The following MARCHF3 variants were observed in gnomAD, a reference collection of about 807,000 sequenced individuals.
The protein encoded by MARCHF3 is membrane associated ring-CH-type finger 3.
MARCHF3 carries 13 observed loss-of-function variants against 24.2 expected under a neutral mutation model. That is an observed-to-expected ratio of 0.54 (90% confidence interval 0.35 to 0.85). MARCHF3 has a LOEUF of 0.85. Ranked by LOEUF, MARCHF3 falls within the 40% of genes least tolerant of loss-of-function variation. The pLI, the probability that MARCHF3 is intolerant of heterozygous loss-of-function variation, is 0.01. For missense variants in MARCHF3, 276 were observed against 325.0 expected (o/e 0.85, Z 1.16); for synonymous variants, 144 against 137.3 (o/e 1.05, Z -0.34).
rs78714932 is a variant in MARCHF3 at position 126,922,112 on chromosome 5, C to A, written c.-56-3885G>T. ...GAACATGGCTGGCATAACGAGGATGCGGCCACAGGTCGTGGGGGAAGGGAA... is the reference window on the plus strand; with the variant it reads ...GAACATGGCTGGCATAACGAGGATGAGGCCACAGGTCGTGGGGGAAGGGAA... On this transcript the variant is annotated intron_variant, in intron 1 of 4. Transcript: ENST00000308660. Among the ~76,000 whole-genome samples the A allele has an allele frequency of 4.4e-3, 672 of 152,276 alleles. 5 individuals are homozygous for A. The highest frequency in any genetic ancestry group is 0.016 in the African/African-American group (653 of 41,544).
At chr5:126,889,942 T>G (rs1040408430) in intron 3 of MARCHF3, among the ~76,000 whole-genome samples, 2 of 152,212 alleles carry the variant, frequency 1.3e-5, no homozygotes, top group African/African-American at 4.8e-5. Context: ...TTCATGATTT[T>G]CAAGATTTCA....
chr5:126,929,573 T>G (rs981892509), intron 1 of MARCHF3, among the ~76,000 whole-genome samples: 2 of 152,226 alleles, frequency 1.3e-5, no homozygotes, highest in African/African-American at 4.8e-5. Context: ...AAATATGATT[T>G]ACACAAAAAA....
rs187893519 is a variant in MARCHF3, at chr5:126,892,748, C to A, written c.394-14354G>T. ...TCATCAAGGATATTGGTCTAAAATT[C>A]TCTTTTTTTGTTATGTCTCTGCCTG... On this transcript the variant is annotated intron_variant, in intron 3 of 4. Transcript: ENST00000308660. Among the ~76,000 whole-genome samples the A allele has an allele frequency of 2.0e-5, 3 of 149,512 alleles. No individual in the cohort carries two copies. The South Asian group carries it at 6.5e-4, about 32-fold the overall frequency.
intron 1 of MARCHF3, among the ~76,000 whole-genome samples, chr5:126,989,337 C>A (rs9327427): frequency 0.65 from 91,629 of 140,736 alleles, 29,523 homozygotes; most frequent in Middle Eastern, 0.72. Flanking sequence ...ACTACTACTA[C>A]TAATAATAAT....
intron 3 of MARCHF3, among the ~76,000 whole-genome samples, chr5:126,894,402 G>T (rs1269775479): frequency 1.9e-4 from 29 of 151,312 alleles, no homozygotes; most frequent in African/African-American, 5.1e-4. Flanking sequence ...TTACATTTTG[G>T]CATGATTTTG....
intron 1 of MARCHF3, among the ~76,000 whole-genome samples, chr5:126,996,380 T>C (rs1751947955): frequency 6.6e-6 from 1 of 152,178 alleles, no homozygotes; most frequent in African/African-American, 2.4e-5. Context: ...GAGATCCAGA[T>C]GCAAATAGGT....
chr5:126,949,295 A>G (rs1750134748), intron 1 of MARCHF3, among the ~76,000 whole-genome samples: 1 of 152,224 alleles, frequency 6.6e-6, no homozygotes, highest in Admixed American at 6.5e-5. Flanking sequence ...AAAGATCATA[A>G]CACACAGATC....
At chr5:126,959,117 A>G (rs1750549978) in intron 1 of MARCHF3, among the ~76,000 whole-genome samples, 1 of 152,122 alleles carries the variant, frequency 6.6e-6, no homozygotes, top group Admixed American at 6.5e-5. Flanking sequence ...CATCTCTTCC[A>G]AAGGCTATAG....
chr5:126,950,458 T>C (rs967330849), intron 1 of MARCHF3, among the ~76,000 whole-genome samples: 8 of 152,154 alleles, frequency 5.3e-5, no homozygotes, highest in African/African-American at 2.4e-5. Flanking sequence ...TTTCACTTCA[T>C]GGAGAAAAGT....
At chr5:126,887,356 T>C (rs1223819831) in intron 3 of MARCHF3, among the ~76,000 whole-genome samples, 1 of 152,248 alleles carries the variant, frequency 6.6e-6, no homozygotes, top group African/African-American at 2.4e-5. Context: ...CCTGCGACTT[T>C]GTCACCAGTA....
chr5:126,963,700 T>G (rs1750718511), intron 1 of MARCHF3, among the ~76,000 whole-genome samples: 1 of 152,226 alleles, frequency 6.6e-6, no homozygotes, highest in Non-Finnish European at 1.5e-5. Context: ...GGTGGGTTTT[T>G]AAGCAGCTGA....
intron 1 of MARCHF3, among the ~76,000 whole-genome samples, chr5:127,013,538 C>A (rs1426885891): frequency 6.6e-6 from 1 of 152,046 alleles, no homozygotes; most frequent in African/African-American, 2.4e-5. Context: ...CCAAATCTAC[C>A]CAAGTTATTA....
intron 1 of MARCHF3, among the ~76,000 whole-genome samples, chr5:127,020,444 T>C (rs982529239): frequency 6.6e-5 from 10 of 152,304 alleles, no homozygotes; most frequent in East Asian, 1.9e-4. Context: ...GTCTAAATAT[T>C]TATATCTCCC....
chr5:126,938,165 CTTTTTT>C (rs527628656), intron 1 of MARCHF3, among the ~76,000 whole-genome samples: 1 of 122,900 alleles, frequency 8.1e-6, no homozygotes, highest in Non-Finnish European at 1.7e-5. Flanking sequence ...TGATCTGATT[CTTTTTT>C]TTTTTTTTTT....
Position 126,967,929 on chromosome 5 carries a change from TATC to T in MARCHF3, c.-56-49705_-56-49703del, listed in dbSNP as rs367758577. On this transcript the variant is annotated intron_variant, in intron 1 of 4. Coordinates refer to ENST00000308660, the MANE Select transcript of MARCHF3 (RefSeq NM_178450.5). ...TCACCATTATCTAATTCCAGGGCAT[TATC>T]ATCACCCCAGAAGAAACCCCACACC... Among the ~76,000 whole-genome samples the T allele has an allele frequency of 4.6e-3, 699 of 152,288 alleles. 4 individuals carry two copies. The highest frequency in any genetic ancestry group is 0.034 in the Middle Eastern group (10 of 294).
chr5:126,982,519 C>T (rs954522790), intron 1 of MARCHF3, among the ~76,000 whole-genome samples: 9 of 152,190 alleles, frequency 5.9e-5, no homozygotes, highest in African/African-American at 1.4e-4. Flanking sequence ...GTCTGGGCCC[C>T]ATCTGCAGAG....
intron 3 of MARCHF3, among the ~76,000 whole-genome samples, chr5:126,880,501 T>C (rs1278627410): frequency 6.6e-6 from 1 of 152,122 alleles, no homozygotes; most frequent in Non-Finnish European, 1.5e-5. Flanking sequence ...AGAGCTCTTA[T>C]TAATTAACAT....
chr5:127,025,773 C>T (rs1267488423), intron 1 of MARCHF3, among the ~76,000 whole-genome samples: 1 of 152,150 alleles, frequency 6.6e-6, no homozygotes. Flanking sequence ...TCATCTTTTT[C>T]TTTCTTCTTA....
chr5:126,957,154 T>C (rs1580680635), intron 1 of MARCHF3, among the ~76,000 whole-genome samples: 1 of 152,238 alleles, frequency 6.6e-6, no homozygotes, highest in Non-Finnish European at 1.5e-5. Context: ...TTTATCACGT[T>C]TCTTGGCCAT....
Sources: gnomAD v4.1 joint callset for allele counts (sites outside exome capture counted in the v4.1 genomes callset) on GRCh38, gnomAD v4.1.1 for gene constraint, MANE v1.5 for transcripts, NCBI Gene and HGNC (gene_info 2026-07-23, HGNC 2026-07-21) for gene names.